The following L2HGDH variants were observed in gnomAD, a reference collection of about 807,000 sequenced individuals.
The protein encoded by L2HGDH is L-2-hydroxyglutarate dehydrogenase.
Under a neutral mutation model 51.5 loss-of-function variants are expected in L2HGDH, and 34 were observed. That is an observed-to-expected ratio of 0.66 (90% CI 0.50 to 0.88). The LOEUF is 0.88. Among genes scored for constraint, L2HGDH ranks in the 40% least tolerant of loss-of-function variants. L2HGDH has a pLI of 0.00. For synonymous variants in L2HGDH, 198 were observed against 197.9 expected (o/e 1.00, Z -0.01); for missense variants, 558 against 571.9 (o/e 0.98, Z 0.25).
chr14:50,270,600 G>C (rs1361274301), intron 6 of L2HGDH, among the ~76,000 whole-genome samples: 2 of 152,034 alleles, frequency 1.3e-5, no homozygotes, highest in Non-Finnish European at 2.9e-5. Flanking sequence ...TCCACCTCTT[G>C]GGTTCACGCC....
intron 4 of L2HGDH, among the ~76,000 whole-genome samples, chr14:50,292,860 G>C (rs1890958986): frequency 6.6e-6 from 1 of 151,958 alleles, no homozygotes. Context: ...ACTTCAGCCT[G>C]GGTGACAAAG....
chr14:50,301,950 G>A, intron 3 of L2HGDH, 67 bp downstream of exon 3: 1 of 1,488,546 alleles, frequency 6.7e-7, no homozygotes, highest in Non-Finnish European at 9.3e-7. Context: ...TTTAAAAAAT[G>A]TAATATTAAA....
intron 9 of L2HGDH, among the ~76,000 whole-genome samples, chr14:50,264,159 C>T (rs1307278917): frequency 6.6e-6 from 1 of 151,006 alleles, no homozygotes; most frequent in Non-Finnish European, 1.5e-5. Context: ...GCGTGTGGAT[C>T]GCCTGAGGTC....
intron 1 of L2HGDH, among the ~76,000 whole-genome samples, chr14:50,304,142 T>G (rs1222397421): frequency 6.6e-6 from 1 of 152,338 alleles, no homozygotes; most frequent in Non-Finnish European, 1.5e-5. Context: ...GTTACTATAT[T>G]GAATACTGCA....
chr14:50,307,813 A>G lies in L2HGDH; in HGVS notation c.140+4198T>C, dbSNP rs547431107. ...ATCTCTAAAAACACACACTACCATT[A>G]TAGTTAAAAAAACTAACACAAAATT... On this transcript the variant is annotated intron_variant, in intron 1 of 9. Transcript: ENST00000267436. Among the ~76,000 whole-genome samples, 4 of 152,316 alleles carry G rather than the reference A, an allele frequency of 2.6e-5. No individual in the cohort carries two copies. The South Asian group carries it at 8.3e-4, about 32-fold the overall frequency.
chr14:50,261,989 C>A (rs1256668009), intron 9 of L2HGDH, among the ~76,000 whole-genome samples: 2 of 152,162 alleles, frequency 1.3e-5, no homozygotes, highest in African/African-American at 2.4e-5. Flanking sequence ...CTGGGAAACA[C>A]ACCCCACTGA....
chr14:50,306,629 G>C (rs573700575), intron 1 of L2HGDH, among the ~76,000 whole-genome samples: 30 of 141,744 alleles, frequency 2.1e-4, no homozygotes, highest in Non-Finnish European at 3.6e-4. Flanking sequence ...ATGGAGACTA[G>C]TGATTAAATG....
chr14:50,299,489 T>G (rs2030278930), intron 3 of L2HGDH, among the ~76,000 whole-genome samples: 1 of 152,222 alleles, frequency 6.6e-6, no homozygotes, highest in Non-Finnish European at 1.5e-5. Context: ...GGTATTACCC[T>G]GATACCAAAC....
At chr14:50,273,186 G>C (rs1889795558) in intron 6 of L2HGDH, among the ~76,000 whole-genome samples, 1 of 152,222 alleles carries the variant, frequency 6.6e-6, no homozygotes, top group Non-Finnish European at 1.5e-5. Flanking sequence ...CAGTTTCAGA[G>C]AGTAAAGATA....
intron 5 of L2HGDH, among the ~76,000 whole-genome samples, chr14:50,283,234 T>C (rs1177112469): frequency 2.0e-5 from 3 of 151,952 alleles, no homozygotes; most frequent in Non-Finnish European, 4.4e-5. Flanking sequence ...TTAACAAGCA[T>C]TGTCAAGAGA....
At chr14:50,292,522 C>A (rs1181647859) in intron 4 of L2HGDH, among the ~76,000 whole-genome samples, 4 of 152,130 alleles carry the variant, frequency 2.6e-5, no homozygotes, top group African/African-American at 9.6e-5. Context: ...GCCTGACCAA[C>A]GTGGAGAAAC....
intron 1 of L2HGDH, chr14:50,311,381 C>T (rs778065466): frequency 1.1e-5 from 5 of 456,060 alleles, no homozygotes; most frequent in South Asian, 7.7e-5. Flanking sequence ...TTCTAGTCGT[C>T]AAAATAGCCA....
At position 50,269,281 on chromosome 14, in the gene L2HGDH, G is replaced by C. The variant is rs1315659648; in HGVS notation, c.788C>G (p.Ser263Ter). Residue 263 changes from serine to a stop codon, truncating the protein, a stop_gained, in exon 7 of 10, where the codon TCA becomes TGA. Coordinates refer to ENST00000267436, the MANE Select transcript of L2HGDH (RefSeq NM_024884.3). LOFTEE classifies it high-confidence loss of function. ...GCCACTCAACTCTGAAATACGGTCT[G>C]AGTAAAGTCCTGCACATGTCACAAC... Reference protein sequence around the residue: ...QYVVTCAGLYSDRISELSGCT... With the variant: ...QYVVTCAGLY The C allele has an allele frequency of 2.2e-5, 35 of 1,614,066 alleles. No homozygotes were observed. Among genetic ancestry groups the C allele is most frequent in the Non-Finnish European group, 2.9e-5 (34 of 1,179,984 alleles).
chr14:50,279,111 C>G (rs1157431294), intron 5 of L2HGDH, among the ~76,000 whole-genome samples: 2 of 152,182 alleles, frequency 1.3e-5, no homozygotes, highest in Admixed American at 1.3e-4. Flanking sequence ...ACTTGTATCA[C>G]AAATTTGGTT....
chr14:50,279,781 C>T (rs772519603), intron 5 of L2HGDH, among the ~76,000 whole-genome samples: 1 of 151,864 alleles, frequency 6.6e-6, no homozygotes, highest in Non-Finnish European at 1.5e-5. Context: ...TACAAGCAGG[C>T]TGAGCATGGT....
At position 50,244,489 on chromosome 14, in the gene L2HGDH, A is replaced by G; in HGVS notation, c.*2569T>C. On this transcript the variant is annotated 3_prime_UTR_variant, in exon 10 of 10. Transcript: ENST00000267436. ...AAAATACAGAATGATAATATTTTCC[A>G]TCTCTTAGTAATCTTGTAATGGAAC... The G allele has an allele frequency of 1.0e-6, 1 of 985,450 alleles. No homozygotes were observed. Among genetic ancestry groups the G allele is most frequent in the Non-Finnish European group, 1.2e-6 (1 of 829,928 alleles). The allele number at this position is 985,450 out of a possible 1,614,324, so 61.0% of individuals were successfully genotyped here.
chr14:50,245,194 T>G lies in L2HGDH; in HGVS notation c.*1864A>C. 3 of 985,326 alleles carry G rather than the reference T, an allele frequency of 3.0e-6. No homozygotes were observed. In the South Asian group the frequency reaches 1.4e-4, roughly 46 times the overall value. 61.0% of individuals were successfully genotyped at this position (985,326 alleles called of 1,614,324 possible). On this transcript the variant is annotated 3_prime_UTR_variant, in exon 10 of 10. Transcript: ENST00000267436. The stretch of plus-strand genomic sequence containing the variant: ...ACAAGTTTATAGGAGCCCTGAAAAA[T>G]CAAGTACGTATGAATCATTACCAAT...
chr14:50,302,220 A>C (rs1213051048), intron 2 of L2HGDH, 52 bp from the exon 3 acceptor site: 1 of 1,584,822 alleles, frequency 6.3e-7, no homozygotes, highest in Admixed American at 1.7e-5. Flanking sequence ...CATACAAAAC[A>C]TAAGAGGTAA....
intron 1 of L2HGDH, 25 bp from the exon 2 acceptor site, chr14:50,303,042 GT>G: frequency 7.0e-7 from 1 of 1,435,982 alleles, no homozygotes; most frequent in Non-Finnish European, 9.8e-7. Flanking sequence ...CATCTTTAAA[GT>G]AATTCATATT....
Sources: allele counts gnomAD v4.1 joint callset (sites outside exome capture counted in the v4.1 genomes callset), GRCh38; gene constraint gnomAD v4.1.1; transcripts MANE v1.5; gene names NCBI Gene and HGNC (gene_info 2026-07-23, HGNC 2026-07-21).